Variants in MIB1 observed in about 807,000 individuals in gnomAD.
The protein encoded by MIB1 is E3 ubiquitin-protein ligase MIB1.
In MIB1, 278 loss-of-function variants were observed where a neutral mutation model predicts 124.5. That is an observed-to-expected ratio of 2.23 (90% CI 2.02 to 2.47). The LOEUF (loss-of-function observed/expected upper bound fraction) is 2.47. Among genes scored for constraint, MIB1 ranks in the 30% most tolerant of loss-of-function variants. The pLI is 0.00. For synonymous variants in MIB1, 446 were observed against 429.4 expected (o/e 1.04, Z -0.48); for missense variants, 957 against 1,254.4 (o/e 0.76, Z 3.58).
At chr18:21,814,817 G>A (rs1271976950) in intron 10 of MIB1, among the ~76,000 whole-genome samples, 2 of 150,772 alleles carry the variant, frequency 1.3e-5, no homozygotes, top group African/African-American at 4.9e-5. Flanking sequence ...CAGGTGATCC[G>A]CCCGCCTTGG....
chr18:21,775,132 A>T (rs1252071403), intron 4 of MIB1, among the ~76,000 whole-genome samples: 1 of 150,910 alleles, frequency 6.6e-6, no homozygotes, highest in Admixed American at 6.6e-5. Context: ...TTTTTAGTAG[A>T]GACGCGATTT....
At chr18:21,737,148 T>C (rs993648813), upstream of MIB1, among the ~76,000 whole-genome samples, 16 of 152,220 alleles carry the variant, frequency 1.1e-4, no homozygotes, top group African/African-American at 3.9e-4. Context: ...GGAATCCCAT[T>C]AGAAGGGGAA....
At chr18:21,713,612 C>CA (rs57282241) in intron 1 of MIB1, among the ~76,000 whole-genome samples, 4,012 of 43,836 alleles carry the variant, frequency 0.092, 364 homozygotes, top group African/African-American at 0.12. Flanking sequence ...GATTCTGTCT[C>CA]AAAAAAAAAA....
chr18:21,848,595 G>A (rs1168169114), intron 16 of MIB1, among the ~76,000 whole-genome samples: 1 of 152,148 alleles, frequency 6.6e-6, no homozygotes. Context: ...GTAGAAACAG[G>A]GCATCCCTTT....
At chr18:21,856,166 C>A (rs1429009207) in intron 18 of MIB1, among the ~76,000 whole-genome samples, 1 of 149,332 alleles carries the variant, frequency 6.7e-6, no homozygotes, top group East Asian at 2.0e-4. Flanking sequence ...GGAAGCGGAG[C>A]TTGCAGTGAG....
intron 1 of MIB1, among the ~76,000 whole-genome samples, chr18:21,751,059 A>G (rs1171996271): frequency 6.6e-6 from 1 of 151,656 alleles, no homozygotes; most frequent in African/African-American, 2.4e-5. Context: ...TTAGCCCACC[A>G]TGGTGGTGTG....
At chr18:21,773,758 A>G in intron 4 of MIB1, 30 bp downstream of exon 4, 1 of 1,413,768 alleles carries the variant, frequency 7.1e-7, no homozygotes, top group African/African-American at 1.5e-5. Context: ...AGCAGGTGAA[A>G]GAAAATGTTG....
chr18:21,836,884 C>G (rs1406654389), intron 12 of MIB1, among the ~76,000 whole-genome samples: 1 of 151,878 alleles, frequency 6.6e-6, no homozygotes, highest in Non-Finnish European at 1.5e-5. Context: ...ATACTTTTTC[C>G]CATTGAGAAT....
chr18:21,742,473 T>G (rs1170385249), intron 1 of MIB1, among the ~76,000 whole-genome samples: 1 of 152,108 alleles, frequency 6.6e-6, no homozygotes, highest in Non-Finnish European at 1.5e-5. Flanking sequence ...CAGATCGGCG[T>G]GGGGGACACC....
At chr18:21,757,209 T>A (rs1272183820) in intron 1 of MIB1, among the ~76,000 whole-genome samples, 2 of 151,702 alleles carry the variant, frequency 1.3e-5, no homozygotes, top group Non-Finnish European at 2.9e-5. Context: ...CCCAGCACTT[T>A]GGGAGGCTAA....
chr18:21,804,212 A>G (rs1598619235), intron 10 of MIB1, among the ~76,000 whole-genome samples, 198 bp downstream of exon 10: 2 of 152,316 alleles, frequency 1.3e-5, no homozygotes, highest in Non-Finnish European at 2.9e-5. Flanking sequence ...CCATAGTCCT[A>G]GGTAAAGATA....
Position 21,857,322 on chromosome 18 carries a change from C to CACT in MIB1, c.2779+83_2779+85dup, listed in dbSNP as rs2042238686. 123 of 833,110 alleles carry CACT rather than the reference C, an allele frequency of 1.5e-4. 4 individuals are homozygous for CACT. The South Asian group carries it at 1.7e-3, about 12-fold the overall frequency. The allele number at this position is 833,110 out of a possible 1,614,324, so 51.6% of individuals were successfully genotyped here. On this transcript the variant is annotated intron_variant, in intron 19 of 20. Transcript: ENST00000261537. Reference sequence around the variant, plus strand: ...TAAACACCTCTTCTCTTTCGTAATACACTACTGCCTTATAAAACCTAAGAT... The same window carrying CACT: ...TAAACACCTCTTCTCTTTCGTAATACACTACTACTGCCTTATAAAACCTAAGAT...
chr18:21,836,296 T>C lies in MIB1; in HGVS notation c.1830-2069T>C, dbSNP rs567360981. Among the ~76,000 whole-genome samples the C allele has an allele frequency of 3.4e-5, 5 of 148,544 alleles. No homozygotes were observed. The Admixed American group carries it at 3.4e-4, about 10-fold the overall frequency. ...AGGTTTTTTTTTTTTTTTTTTGAGA[T>C]GGAGTCTCGCTCAGTCGCCTGGGCT... On this transcript the variant is annotated intron_variant, in intron 12 of 20. Coordinates refer to ENST00000261537, the MANE Select transcript of MIB1 (RefSeq NM_020774.4).
chr18:21,779,394 A>G (rs573107619), intron 5 of MIB1, 87 bp from the exon 6 acceptor site: 38 of 1,063,786 alleles, frequency 3.6e-5, no homozygotes, highest in Non-Finnish European at 5.1e-5. Flanking sequence ...TGAAACTAAA[A>G]TATCTACATG....
chr18:21,806,229 G>C (rs2041704952), intron 10 of MIB1, among the ~76,000 whole-genome samples: 2 of 150,646 alleles, frequency 1.3e-5, no homozygotes, highest in South Asian at 2.1e-4. Flanking sequence ...TTTGATACAG[G>C]GTCTTGCTCT....
chr18:21,745,262 A>G (rs1033470572), intron 1 of MIB1, among the ~76,000 whole-genome samples: 1 of 152,224 alleles, frequency 6.6e-6, no homozygotes, highest in Non-Finnish European at 1.5e-5. Flanking sequence ...GAACAAAACT[A>G]TTTTAGGGTA....
intron 18 of MIB1, among the ~76,000 whole-genome samples, chr18:21,855,178 T>C (rs972764910): frequency 9.2e-5 from 14 of 152,234 alleles, no homozygotes; most frequent in Non-Finnish European, 1.6e-4. Context: ...CTTGATTTTA[T>C]AGACATGCTC....
At chr18:21,706,577 G>A (rs575014363) in intron 1 of MIB1, among the ~76,000 whole-genome samples, 8 of 152,278 alleles carry the variant, frequency 5.3e-5, no homozygotes, top group East Asian at 1.9e-4. Context: ...CGGGAGTTCC[G>A]GGTGGGTGTG....
rs566750223 is a variant in MIB1, at chr18:21,834,068, A to C, written c.1830-4297A>C. 5.3e-5 allele frequency among the ~76,000 whole-genome samples: 8 copies of C among 152,276 alleles called. No individual in the cohort carries two copies. The South Asian group carries it at 1.2e-3, about 24-fold the overall frequency. ...CTACGGACCTCAGTGCTTGCAGCTT[A>C]ACAGTCTCCTCTTAATTAACTAAAG... On this transcript the variant is annotated intron_variant, in intron 12 of 20. Coordinates refer to ENST00000261537, the MANE Select transcript of MIB1 (RefSeq NM_020774.4).
Sources: gnomAD v4.1 joint callset for allele counts (sites outside exome capture counted in the v4.1 genomes callset) on GRCh38, gnomAD v4.1.1 for gene constraint, MANE v1.5 for transcripts, NCBI Gene and HGNC (gene_info 2026-07-23, HGNC 2026-07-21) for gene names.